The following IGF1R variants were observed in gnomAD, a reference collection of about 807,000 sequenced individuals.
The protein encoded by IGF1R is insulin like growth factor 1 receptor, also known as insulin-like growth factor 1 receptor.
In IGF1R, 44 loss-of-function variants were observed where a neutral mutation model predicts 144.6. The ratio of observed to expected loss-of-function variants is 0.30; its 90% CI spans 0.24 to 0.39. The LOEUF (loss-of-function observed/expected upper bound fraction) is 0.39, where lower values mean the gene tolerates loss of function less well. Ranked by LOEUF, IGF1R falls within the 10% of genes least tolerant of loss-of-function variation. IGF1R has a pLI of 1.00. For missense variants in IGF1R, 1,355 were observed against 1,833.7 expected (o/e 0.74, Z 4.77); for synonymous variants, 795 against 722.8 (o/e 1.10, Z -1.60).
At chr15:98,726,321 G>C (rs1266753704) in intron 2 of IGF1R, among the ~76,000 whole-genome samples, 1 of 152,174 alleles carries the variant, frequency 6.6e-6, no homozygotes, top group Non-Finnish European at 1.5e-5. Flanking sequence ...TTCCTAGTGG[G>C]CTGCTGCTGA....
intron 2 of IGF1R, among the ~76,000 whole-genome samples, chr15:98,779,862 A>C (rs2055812540): frequency 6.6e-6 from 1 of 152,176 alleles, no homozygotes; most frequent in South Asian, 2.1e-4. Context: ...GAACCCAAGC[A>C]AAGAGAGTTA....
rs138285597 is a variant in IGF1R, at chr15:98,878,663, CAAAAAAAAAAAAAAAAAAA to C, written c.641-12648_641-12630del. Among the ~76,000 whole-genome samples, 93 of 57,908 alleles carry C rather than the reference CAAAAAAAAAAAAAAAAAAA, an allele frequency of 1.6e-3. 1 individual carries two copies. Among genetic ancestry groups the C allele is most frequent in the South Asian group, 0.012 (21 of 1,714 alleles). 38.0% of individuals were successfully genotyped at this position (57,908 alleles called of 152,430 possible). On this transcript the variant is annotated intron_variant, in intron 2 of 20. Coordinates refer to ENST00000650285, the MANE Select transcript of IGF1R (RefSeq NM_000875.5). ...TCTCTCTTCTTATTTGTGAAAGACTCAAAAAAAAAAAAAAAAAAAAAAAAAAAAAAAACAACAACAAAAA... is the reference window on the plus strand; with the variant it reads ...TCTCTCTTCTTATTTGTGAAAGACTCAAAAAAAAAAAAACAACAACAAAAA...
chr15:98,827,605 T>G (rs1408231945), intron 2 of IGF1R, among the ~76,000 whole-genome samples: 1 of 152,228 alleles, frequency 6.6e-6, no homozygotes. Context: ...TTAAATGTGG[T>G]CATTTAAACT....
chr15:98,800,182 G>A (rs1296354492), intron 2 of IGF1R, among the ~76,000 whole-genome samples: 2 of 152,018 alleles, frequency 1.3e-5, no homozygotes, highest in Non-Finnish European at 2.9e-5. Context: ...GCCCTTCTAG[G>A]TGATAAAAGA....
In IGF1R at chr15:98,857,313, G is replaced by A. The variant is rs545540599; in HGVS notation, c.641-34012G>A. The stretch of plus-strand genomic sequence containing the variant: ...GGCTCATTGCAACCTCCACCTCCCA[G>A]GTTCGAGCAATTCTTCTGCCTCAGC... On this transcript the variant is annotated intron_variant, in intron 2 of 20. Coordinates refer to ENST00000650285, the MANE Select transcript of IGF1R (RefSeq NM_000875.5). Among the ~76,000 whole-genome samples, 32 of 152,264 alleles carry A rather than the reference G, an allele frequency of 2.1e-4. 1 individual carries two copies. The South Asian group carries it at 6.6e-3, about 32-fold the overall frequency.
chr15:98,956,404 C>G (rs751752874), intron 20 of IGF1R, among the ~76,000 whole-genome samples: 1 of 152,246 alleles, frequency 6.6e-6, no homozygotes, highest in Non-Finnish European at 1.5e-5. Flanking sequence ...CCAGAACAGC[C>G]TGGCTCATCG....
rs369594564 is a variant in IGF1R, at chr15:98,902,042, G to A, written c.1247+2421G>A. Among the ~76,000 whole-genome samples the A allele has an allele frequency of 2.5e-3, 382 of 152,170 alleles. 1 individual carries two copies. The highest frequency in any genetic ancestry group is 8.9e-3 in the African/African-American group (368 of 41,494). ...CAGAGCTGTCTGAAATTTTTATTTCGGTGTGCTTTTGGTTTAAGCCAAGAT... is the reference window on the plus strand; with the variant it reads ...CAGAGCTGTCTGAAATTTTTATTTCAGTGTGCTTTTGGTTTAAGCCAAGAT... On this transcript the variant is annotated intron_variant, in intron 5 of 20. Coordinates refer to ENST00000650285, the MANE Select transcript of IGF1R (RefSeq NM_000875.5).
At position 98,896,923 on chromosome 15, in the gene IGF1R, C is replaced by G. The variant is rs1391400769; in HGVS notation, c.1102+18C>G. On this transcript the variant is annotated intron_variant, in intron 4 of 20. Coordinates refer to ENST00000650285, the MANE Select transcript of IGF1R (RefSeq NM_000875.5). ...ACGGGGGAGTAAGTATTCCATCCCCCTGGAAAAACGGCTAGATCTCATGGT... is the reference window on the plus strand; with the variant it reads ...ACGGGGGAGTAAGTATTCCATCCCCGTGGAAAAACGGCTAGATCTCATGGT... 1.2e-6 allele frequency: 2 copies of G among 1,613,340 alleles called. No individual in the cohort carries two copies. The highest frequency in any genetic ancestry group is 1.7e-6 in the Non-Finnish European group (2 of 1,179,638).
chr15:98,775,970 A>G (rs371685279), intron 2 of IGF1R, among the ~76,000 whole-genome samples: 3 of 152,328 alleles, frequency 2.0e-5, no homozygotes, highest in African/African-American at 7.2e-5. Flanking sequence ...TTGCCTAAAT[A>G]CAGTGCCTAG....
chr15:98,945,780 G>A (rs1176627221), intron 19 of IGF1R, among the ~76,000 whole-genome samples: 1 of 152,072 alleles, frequency 6.6e-6, no homozygotes, highest in Non-Finnish European at 1.5e-5. Flanking sequence ...AGATGGTTCA[G>A]TGTCCACACC....
intron 2 of IGF1R, among the ~76,000 whole-genome samples, chr15:98,810,216 C>G (rs2056556982): frequency 6.6e-6 from 1 of 152,130 alleles, no homozygotes; most frequent in Non-Finnish European, 1.5e-5. Context: ...CTGCTCTCTG[C>G]TTTCCTAAGG....
At chr15:98,665,149 C>T (rs2052703346) in intron 1 of IGF1R, among the ~76,000 whole-genome samples, 1 of 152,124 alleles carries the variant, frequency 6.6e-6, no homozygotes, top group Non-Finnish European at 1.5e-5. Flanking sequence ...GATGGGGTTT[C>T]ACCGTGTTAG....
intron 2 of IGF1R, among the ~76,000 whole-genome samples, chr15:98,809,250 C>T (rs1278546438): frequency 2.6e-5 from 4 of 152,190 alleles, no homozygotes; most frequent in African/African-American, 9.6e-5. Flanking sequence ...GTCTGGCTAG[C>T]AGTACTTCAG....
At chr15:98,761,191 T>C (rs2055286974) in intron 2 of IGF1R, among the ~76,000 whole-genome samples, 1 of 152,218 alleles carries the variant, frequency 6.6e-6, no homozygotes. Flanking sequence ...GCAGGGGCAC[T>C]GTGGAGCACC....
intron 2 of IGF1R, among the ~76,000 whole-genome samples, chr15:98,830,931 CAG>C (rs1474024371): frequency 6.6e-6 from 1 of 152,104 alleles, no homozygotes; most frequent in Admixed American, 6.5e-5. Flanking sequence ...TAGGAGGCCT[CAG>C]GGAGCTTTTA....
chr15:98,656,977 A>G (rs1567060358), intron 1 of IGF1R, among the ~76,000 whole-genome samples: 1 of 152,384 alleles, frequency 6.6e-6, no homozygotes, highest in East Asian at 1.9e-4. Context: ...ACATGGGAGA[A>G]CAAATATATT....
intron 2 of IGF1R, among the ~76,000 whole-genome samples, chr15:98,767,614 C>T (rs1017829312): frequency 6.6e-6 from 1 of 152,130 alleles, no homozygotes; most frequent in African/African-American, 2.4e-5. Context: ...GCAAGTGCAG[C>T]GAATCTTGTA....
chr15:98,930,194 G>GAGGT (rs1290153249), intron 14 of IGF1R, 41 bp from the exon 15 acceptor site: 1 of 1,335,804 alleles, frequency 7.5e-7, no homozygotes, highest in Non-Finnish European at 1.1e-6. Context: ...GGAATGTATG[G>GAGGT]AGGTGGGGTT....
chr15:98,957,118 G>A lies in IGF1R; in HGVS notation c.3780G>A (p.Leu1260=). ...QYNPKMRPSF[L]EIISSIKEEM... is the part of the protein sequence containing the mutation. ...ACCCCAAGATGAGGCCTTCCTTCCT[G>A]GAGATCATCAGCAGCATCAAAGAGG... The change falls in exon 21 of 21, where the codon CTG becomes CTA. Residue 1260 remains leucine (L), a synonymous_variant. Transcript: ENST00000650285. 1 of 1,614,234 alleles carries A rather than the reference G, an allele frequency of 6.2e-7. No homozygotes were observed. The highest frequency in any genetic ancestry group is 8.5e-7 in the Non-Finnish European group (1 of 1,180,040).
Sources: gnomAD v4.1 joint callset for allele counts (sites outside exome capture counted in the v4.1 genomes callset) on GRCh38, gnomAD v4.1.1 for gene constraint, MANE v1.5 for transcripts, NCBI Gene and HGNC (gene_info 2026-07-23, HGNC 2026-07-21) for gene names.